The following ZZEF1 variants were observed in gnomAD, a reference collection of about 807,000 sequenced individuals.
ZZEF1 encodes the protein zinc finger ZZ-type and EF-hand domain-containing protein 1.
ZZEF1 carries 157 observed loss-of-function variants against 342.8 expected under a neutral mutation model. The ratio of observed to expected loss-of-function variants is 0.46; its 90% CI spans 0.40 to 0.52. The LOEUF (loss-of-function observed/expected upper bound fraction) is 0.52. Among genes scored for constraint, ZZEF1 ranks in the 20% least tolerant of loss-of-function variants. The pLI, the probability that ZZEF1 is intolerant of heterozygous loss-of-function variation, is 0.00. For missense variants in ZZEF1, 3,480 were observed against 3,725.6 expected, an observed-to-expected ratio of 0.93 and a Z score of 1.72; for synonymous variants, 1,505 against 1,429.1, an observed-to-expected ratio of 1.05 and a Z score of -1.20.
rs1368499195 is a variant in ZZEF1 at position 4,017,428 on chromosome 17, A to G, written c.7944T>C (p.His2648=). ...EDILELSGPA[H]MTYILDMFMQ... ...TGAACATATCCAAAATGTAGGTCAT[A>G]TGGGCAGGGCCACTGAGCTCCAGGA... is the stretch of plus-strand genomic sequence containing the variant. Residue 2648 remains histidine, a synonymous_variant, in exon 48 of 55, where the codon CAT becomes CAC. Coordinates refer to ENST00000381638, the MANE Select transcript of ZZEF1 (RefSeq NM_015113.4). The surrounding 1 kb of genome is among the most constrained non-coding windows in gnomAD (Gnocchi z 5.1). 1 of 1,612,370 alleles carries G rather than the reference A, an allele frequency of 6.2e-7. No individual in the cohort carries two copies. Among genetic ancestry groups the G allele is most frequent in the Non-Finnish European group, 8.5e-7 (1 of 1,178,656 alleles).
rs1322189446 is a variant in ZZEF1, at chr17:4,017,773, C to T, written c.7642-43G>A. ...CCATTACAGAGGTCTAGCCTTCTTA[C>T]AGTGGTGGTATGGGGTGGGGGATGG... On this transcript the variant is annotated intron_variant, in intron 47 of 54. Transcript: ENST00000381638. This position sits in a 1 kb window ranked among gnomAD's most constrained non-coding sequence, Gnocchi z 5.1. 6.2e-7 allele frequency: 1 copy of T among 1,611,334 alleles called. No homozygotes were observed. The highest frequency in any genetic ancestry group is 8.5e-7 in the Non-Finnish European group (1 of 1,177,884).
chr17:4,009,795 A>G, intron 52 of ZZEF1, 38 bp from the exon 53 acceptor site: 5 of 1,602,518 alleles, frequency 3.1e-6, no homozygotes, highest in South Asian at 1.1e-5. Flanking sequence ...GTTTACTGAG[A>G]GCCATGCCAA....
chr17:4,123,529 A>G (rs11649992), intron 2 of ZZEF1, among the ~76,000 whole-genome samples: 23,411 of 151,428 alleles, frequency 0.15, 1,996 homozygotes, highest in African/African-American at 0.22. Flanking sequence ...ACTATAGTAC[A>G]TGAGTGAAGA....
chr17:4,087,607 ACTTC>A (rs2057857412), intron 13 of ZZEF1, 73 bp from the exon 14 acceptor site: 1 of 1,308,036 alleles, frequency 7.6e-7, no homozygotes, highest in Non-Finnish European at 1.1e-6. Context: ...TGCCTCATTT[ACTTC>A]TAATTGTAAA....
At chr17:4,065,142 G>A (rs2057368099) in intron 28 of ZZEF1, among the ~76,000 whole-genome samples, 4 of 152,166 alleles carry the variant, frequency 2.6e-5, no homozygotes, top group South Asian at 4.1e-4. Context: ...GGTGGCTCAC[G>A]CCTGTAATCC....
intron 1 of ZZEF1, among the ~76,000 whole-genome samples, chr17:4,128,190 A>T (rs1404960091): frequency 6.6e-6 from 1 of 151,960 alleles, no homozygotes; most frequent in African/African-American, 2.4e-5. Flanking sequence ...TACTAAAAAT[A>T]CAAAAAAATT....
At chr17:4,122,365 A>G (rs2058497257) in intron 2 of ZZEF1, among the ~76,000 whole-genome samples, 3 of 150,622 alleles carry the variant, frequency 2.0e-5, no homozygotes. Flanking sequence ...ATACAAAAAC[A>G]CAGGCCATGT....
In ZZEF1 at chr17:4,062,753, T is replaced by C. The variant is rs751318592; in HGVS notation, c.4883A>G (p.Asn1628Ser). 5 of 1,600,314 alleles carry C rather than the reference T, an allele frequency of 3.1e-6. No homozygotes were observed. The highest frequency in any genetic ancestry group is 3.4e-6 in the Non-Finnish European group (4 of 1,172,736). Residue 1628 changes from asparagine to serine, a missense_variant and splice_region_variant, in exon 30 of 55, where the codon AAT (asparagine) becomes AGT (serine). Physicochemically the swap from Asn to Ser is conservative, Grantham distance 46. Coordinates refer to ENST00000381638, the MANE Select transcript of ZZEF1 (RefSeq NM_015113.4). The stretch of plus-strand genomic sequence containing the variant: ...TTCTGGACCTGTCCTTTGTACTTAC[T>C]TGGTAAAATCTTTCTGACAGGTCAG... Reference protein sequence around the residue: ...ELLTCQKDFTNYFGHLEGCGA... With the variant: ...ELLTCQKDFTSYFGHLEGCGA...
Position 4,057,990 on chromosome 17 carries a change from T to C in ZZEF1, c.5165+4A>G. On this transcript the variant is annotated splice_donor_region_variant and intron_variant, in intron 32 of 54. Coordinates refer to ENST00000381638, the MANE Select transcript of ZZEF1 (RefSeq NM_015113.4). ...AACTGCAGAGCGCAGGACCGTGCTC[T>C]TACCTGATCACACTGTCATGGACAC... 2 of 1,614,048 alleles carry C rather than the reference T, an allele frequency of 1.2e-6. No individual in the cohort carries two copies. Among genetic ancestry groups the C allele is most frequent in the Non-Finnish European group, 1.7e-6 (2 of 1,179,924 alleles).
rs1212906517 is a variant in ZZEF1, at chr17:4,096,707, A to G, written c.1673-7T>C. On this transcript the variant is annotated splice_polypyrimidine_tract_variant and splice_region_variant and intron_variant, in intron 9 of 54. Coordinates refer to ENST00000381638, the MANE Select transcript of ZZEF1 (RefSeq NM_015113.4). ...CCAGTTTCCGTAAGAAAACCTGAAA[A>G]AAGGGAAAACTCAAGTTAGGGAACT... 3.1e-6 allele frequency: 5 copies of G among 1,613,610 alleles called. No homozygotes were observed. The highest frequency in any genetic ancestry group is 4.2e-6 in the Non-Finnish European group (5 of 1,179,728).
intron 30 of ZZEF1, among the ~76,000 whole-genome samples, chr17:4,060,323 G>A (rs2057256254): frequency 1.3e-5 from 2 of 152,156 alleles, no homozygotes; most frequent in South Asian, 2.1e-4. Context: ...CCATCACTTA[G>A]GGAGGCTGAG....
chr17:4,133,502 G>A (rs1263413203), intron 1 of ZZEF1, among the ~76,000 whole-genome samples: 1 of 151,988 alleles, frequency 6.6e-6, no homozygotes, highest in East Asian at 1.9e-4. Context: ...ATCTATAAAA[G>A]CTGCTTTCCG....
chr17:4,024,189 T>TTTTTTTG (rs2056345721), intron 43 of ZZEF1, among the ~76,000 whole-genome samples: 1 of 123,758 alleles, frequency 8.1e-6, no homozygotes, highest in African/African-American at 3.9e-5. Flanking sequence ...TGCCCAGGTT[T>TTTTTTTG]TTTTTTTTTT....
chr17:4,125,418 C>T (rs1172460143), intron 1 of ZZEF1, among the ~76,000 whole-genome samples: 1 of 152,166 alleles, frequency 6.6e-6, no homozygotes, highest in East Asian at 1.9e-4. Context: ...GACCTCTGAA[C>T]AATGCAGTGT....
Position 4,132,704 on chromosome 17 carries a change from C to T in ZZEF1, c.355-8653G>A, listed in dbSNP as rs568452113. ...AAAATTAGCCGGGTGTGGTGGCGGG[C>T]GCCTGTAATCCCAGCACTTTGGGAG... On this transcript the variant is annotated intron_variant, in intron 1 of 54. Transcript: ENST00000381638. Among the ~76,000 whole-genome samples, 36 of 113,740 alleles carry T rather than the reference C, an allele frequency of 3.2e-4. 1 individual carries two copies. In the South Asian group the frequency reaches 9.7e-3, roughly 31 times the overall value. The allele number at this position is 113,740 out of a possible 152,430, so 74.6% of individuals were successfully genotyped here.
chr17:4,123,268 C>CATATATATATATATATAT (rs60101709), intron 2 of ZZEF1, among the ~76,000 whole-genome samples: 5 of 85,330 alleles, frequency 5.9e-5, no homozygotes, highest in Admixed American at 1.4e-4. Flanking sequence ...TTATCATAAC[C>CATATATATATATATATAT]ATATATATAT....
intron 38 of ZZEF1, among the ~76,000 whole-genome samples, chr17:4,043,216 GTTTC>G (rs1374038074): frequency 1.3e-5 from 2 of 151,972 alleles, no homozygotes; most frequent in East Asian, 3.9e-4. Flanking sequence ...TCAGATTTTT[GTTTC>G]TTTCAGTGAT....
In ZZEF1 at chr17:4,033,017, C is replaced by T; in HGVS notation, c.6585-15G>A. ...AGCCCACCCGGCTGGAAGGCAAGAG[C>T]TCCATTAGGGGCAGTACACAGGGCT... On this transcript the variant is annotated splice_polypyrimidine_tract_variant and intron_variant, in intron 40 of 54. Transcript: ENST00000381638. The T allele has an allele frequency of 1.3e-6, 2 of 1,552,960 alleles. No homozygotes were observed.
chr17:4,125,555 C>A (rs1360954290), intron 1 of ZZEF1, among the ~76,000 whole-genome samples: 1 of 152,198 alleles, frequency 6.6e-6, no homozygotes, highest in Non-Finnish European at 1.5e-5. Flanking sequence ...CTCTGTTCAA[C>A]CTGGCAAGAT....
Sources: gnomAD v4.1 joint callset for allele counts (sites outside exome capture counted in the v4.1 genomes callset) on GRCh38, gnomAD v4.1.1 for gene constraint, Gnocchi (gnomAD v3.1) non-coding constraint, MANE v1.5 for transcripts, NCBI Gene and HGNC (gene_info 2026-07-23, HGNC 2026-07-21) for gene names.